Variants in LPIN2 observed in about 807,000 individuals in gnomAD.
The protein encoded by LPIN2 is phosphatidate phosphatase LPIN2.
Under a neutral mutation model 111.4 loss-of-function variants are expected in LPIN2, and 55 were observed. That is an observed-to-expected ratio of 0.49 (90% confidence interval 0.40 to 0.62). The LOEUF is 0.62. LPIN2 is among the 20% of genes least tolerant of loss of function. LPIN2 has a pLI of 0.00. For synonymous variants in LPIN2, 425 were observed against 414.0 expected, an observed-to-expected ratio of 1.03 and a Z score of -0.32; for missense variants, 992 against 1,112.1, an observed-to-expected ratio of 0.89 and a Z score of 1.54.
At chr18:3,002,513 G>T (rs546446844) in intron 1 of LPIN2, among the ~76,000 whole-genome samples, 6 of 152,118 alleles carry the variant, frequency 3.9e-5, no homozygotes, top group African/African-American at 1.4e-4. Flanking sequence ...CAAAGATAAG[G>T]TCCCTCCTAC....
At chr18:2,927,668 ATG>A in intron 12 of LPIN2, 52 bp downstream of exon 12, 1 of 1,576,740 alleles carries the variant, frequency 6.3e-7, no homozygotes, top group South Asian at 1.1e-5. Context: ...TTTTGAATAA[ATG>A]AAAGATTCAT....
Position 2,919,106 on chromosome 18 carries a change from A to T in LPIN2, c.*1187T>A, listed in dbSNP as rs1417596387. On this transcript the variant is annotated 3_prime_UTR_variant, in exon 20 of 20. Transcript: ENST00000677752. ...ATCTCTTCAGACACGATGTGAGCTCATTACAACCGCATCAGTAAATGGAGC... is the reference window on the plus strand; with the variant it reads ...ATCTCTTCAGACACGATGTGAGCTCTTTACAACCGCATCAGTAAATGGAGC... 1.3e-5 allele frequency: 2 copies of T among 152,168 alleles called. No homozygotes were observed. The allele number at this position is 152,168 out of a possible 1,614,324, so 9.4% of individuals were successfully genotyped here.
intron 18 of LPIN2, 149 bp from the exon 19 acceptor site, chr18:2,921,030 T>C: frequency 1.4e-6 from 1 of 702,068 alleles, no homozygotes; most frequent in South Asian, 1.5e-5. Context: ...AAAACTGAGC[T>C]TTAGACAAAC....
intron 1 of LPIN2, among the ~76,000 whole-genome samples, chr18:3,005,294 G>A (rs939720118): frequency 2.7e-5 from 4 of 149,228 alleles, no homozygotes; most frequent in East Asian, 1.9e-4. Context: ...AGGCTGCAGC[G>A]AGCCAAGATC....
intron 1 of LPIN2, among the ~76,000 whole-genome samples, chr18:2,993,424 T>C (rs1190916028): frequency 6.6e-6 from 1 of 152,212 alleles, no homozygotes; most frequent in Non-Finnish European, 1.5e-5. Flanking sequence ...TCATTAACCC[T>C]CAATTTCCTC....
chr18:2,945,252 T>C (rs1412946486), intron 4 of LPIN2, among the ~76,000 whole-genome samples: 3 of 152,136 alleles, frequency 2.0e-5, no homozygotes, highest in Non-Finnish European at 4.4e-5. Context: ...AACAGAGAAA[T>C]ACAAAGAAAT....
At chr18:2,984,053 A>C (rs189270256) in intron 1 of LPIN2, among the ~76,000 whole-genome samples, 1 of 152,242 alleles carries the variant, frequency 6.6e-6, no homozygotes, top group African/African-American at 2.4e-5. Context: ...CCTTCACATT[A>C]AACCCTTTTC....
chr18:2,973,446 T>C (rs979400216), intron 1 of LPIN2, among the ~76,000 whole-genome samples: 4 of 152,226 alleles, frequency 2.6e-5, no homozygotes, highest in African/African-American at 9.6e-5. Context: ...ATACAGTATG[T>C]ACCTTTGGAT....
chr18:2,960,491 C>A, intron 2 of LPIN2, 158 bp downstream of exon 2: 1 of 712,082 alleles, frequency 1.4e-6, no homozygotes, highest in South Asian at 1.6e-5. Context: ...CTTCTCGTAA[C>A]ATTGTCTCAA....
At chr18:2,929,016 TA>T in intron 10 of LPIN2, 48 bp downstream of exon 10, 2 of 1,240,902 alleles carry the variant, frequency 1.6e-6, no homozygotes, top group Non-Finnish European at 2.4e-6. Flanking sequence ...ATGGCACTTG[TA>T]AAAAAACTGC....
At chr18:2,961,168 A>T (rs1177116263) in intron 1 of LPIN2, among the ~76,000 whole-genome samples, 2 of 152,196 alleles carry the variant, frequency 1.3e-5, no homozygotes, top group Admixed American at 1.3e-4. Flanking sequence ...GGATCAGCAC[A>T]GAATCACCAA....
intron 1 of LPIN2, among the ~76,000 whole-genome samples, chr18:2,979,763 T>C (rs1567851142): frequency 1.3e-5 from 2 of 152,224 alleles, no homozygotes; most frequent in Non-Finnish European, 1.5e-5. Context: ...CCTGAGTTCA[T>C]CTGTGGCGAG....
chr18:2,996,467 C>CTTTTTTTT (rs1179106649), intron 1 of LPIN2, among the ~76,000 whole-genome samples: 1 of 84,998 alleles, frequency 1.2e-5, no homozygotes, highest in African/African-American at 4.5e-5. Flanking sequence ...AGGAAAATAT[C>CTTTTTTTT]TTTTTTTTTT....
chr18:2,973,593 T>C (rs1037162485), intron 1 of LPIN2, among the ~76,000 whole-genome samples: 1 of 152,384 alleles, frequency 6.6e-6, no homozygotes, highest in South Asian at 2.1e-4. Context: ...CTAGAAGATA[T>C]CTGGGTTGTT....
At chr18:3,012,955 C>T (rs2143529255) in intron 1 of LPIN2, 132 bp downstream of exon 1, 1 of 151,190 alleles carries the variant, frequency 6.6e-6, no homozygotes, top group Non-Finnish European at 1.5e-5. Flanking sequence ...CGGCTCAACC[C>T]GCGCCGCCCC....
In LPIN2 at chr18:2,958,141, C is replaced by CAAAAAAAAAAAAAAAAAAAAAAAAAAAA. The variant is rs1224779773; in HGVS notation, c.192+2507_192+2508insTTTTTTTTTTTTTTTTTTTTTTTTTTTT. Reference sequence around the variant, plus strand: ...TGGGCGACAAAGCGAGACTCCATCTCAAAAAAAAAAAAAAAACAACAAAAA... The same window carrying CAAAAAAAAAAAAAAAAAAAAAAAAAAAA: ...TGGGCGACAAAGCGAGACTCCATCTCAAAAAAAAAAAAAAAAAAAAAAAAAAAAAAAAAAAAAAAAAAAACAACAAAAA... On this transcript the variant is annotated intron_variant, in intron 2 of 19. Transcript: ENST00000677752. Among the ~76,000 whole-genome samples, 12 of 11,946 alleles carry CAAAAAAAAAAAAAAAAAAAAAAAAAAAA rather than the reference C, an allele frequency of 1.0e-3. 2 individuals carry two copies. The highest frequency in any genetic ancestry group is 4.9e-3 in the East Asian group (1 of 204). The allele number at this position is 11,946 out of a possible 152,430, so 7.8% of individuals were successfully genotyped here. A position where few individuals can be genotyped will look rare whatever the true frequency, so the allele number is the denominator to read the frequency against.
intron 1 of LPIN2, among the ~76,000 whole-genome samples, chr18:2,984,218 G>A (rs1287353678): frequency 1.3e-5 from 2 of 152,194 alleles, no homozygotes; most frequent in Non-Finnish European, 1.5e-5. Context: ...AATTAGAAAT[G>A]GCAAAACTTA....
chr18:2,990,871 C>T (rs2078255337), intron 1 of LPIN2: 1 of 494,790 alleles, frequency 2.0e-6, no homozygotes, highest in Admixed American at 2.3e-5. Context: ...ATACTACCTC[C>T]CTCCAGTCTT....
intron 4 of LPIN2, among the ~76,000 whole-genome samples, chr18:2,943,536 T>C (rs1306986442): frequency 6.6e-6 from 1 of 152,156 alleles, no homozygotes; most frequent in Non-Finnish European, 1.5e-5. Flanking sequence ...TTCAATTACA[T>C]TTAACAGATT....
Sources: gnomAD v4.1 joint callset for allele counts (sites outside exome capture counted in the v4.1 genomes callset) on GRCh38, gnomAD v4.1.1 for gene constraint, MANE v1.5 for transcripts, NCBI Gene and HGNC (gene_info 2026-07-23, HGNC 2026-07-21) for gene names.